The following GNAL variants were observed in gnomAD, a reference collection of about 807,000 sequenced individuals.
The protein encoded by GNAL is guanine nucleotide-binding protein G(olf) subunit alpha.
GNAL carries 18 observed loss-of-function variants against 55.1 expected under a neutral mutation model. The observed-to-expected ratio is 0.33, with a 90% CI of 0.23 to 0.48. The LOEUF is 0.48. Ranked by LOEUF, GNAL falls within the 20% of genes least tolerant of loss-of-function variation. GNAL has a pLI of 0.99. For synonymous variants in GNAL, 253 were observed against 237.0 expected (o/e 1.07, Z -0.62); for missense variants, 412 against 614.1 (o/e 0.67, Z 3.48).
At chr18:11,730,102 C>T (rs1009641720) in intron 1 of GNAL, among the ~76,000 whole-genome samples, 5 of 151,224 alleles carry the variant, frequency 3.3e-5, no homozygotes, top group African/African-American at 7.3e-5. Context: ...GGCGCTATCT[C>T]GGCTCACTGC....
chr18:11,824,261 A>AT (rs1289830832), intron 4 of GNAL, among the ~76,000 whole-genome samples: 2 of 26,372 alleles, frequency 7.6e-5, no homozygotes, highest in Non-Finnish European at 2.2e-4. Flanking sequence ...CATGGCTGAG[A>AT]TGGGGGGGGG....
At position 11,882,047 on chromosome 18, in the gene GNAL, T is replaced by TATCA. The variant is rs1555618132; in HGVS notation, c.*913_*916dup. On this transcript the variant is annotated 3_prime_UTR_variant, in exon 12 of 12. Coordinates refer to ENST00000334049, the MANE Select transcript of GNAL (RefSeq NM_182978.4). ...GGTAGCTGTAGAATTTAGGATATTT[T>TATCA]ATCAGGTTGGCACTTTATAAAATAC... The TATCA allele has an allele frequency of 6.6e-6, 1 of 152,362 alleles. No homozygotes were observed. Among genetic ancestry groups the TATCA allele is most frequent in the East Asian group, 1.9e-4 (1 of 5,196 alleles). 9.4% of individuals were successfully genotyped at this position (152,362 alleles called of 1,614,324 possible). A position where few individuals can be genotyped will look rare whatever the true frequency, so the allele number is the denominator to read the frequency against.
At chr18:11,869,592 A>G (rs1270756046) in intron 9 of GNAL, among the ~76,000 whole-genome samples, 1 of 152,232 alleles carries the variant, frequency 6.6e-6, no homozygotes, top group African/African-American at 2.4e-5. Context: ...AAATATTCAA[A>G]AATAAATTTA....
intron 1 of GNAL, 58 bp downstream of exon 1, chr18:11,689,997 GGGCGGCGGGCACCGGGGAGCGGT>G (rs2031187955): frequency 1.9e-6 from 2 of 1,043,030 alleles, no homozygotes; most frequent in African/African-American, 1.8e-5. Context: ...GGGCCCGCGG[GGGCGGCGGGCACCGGGGAGCGGT>G]GGCGGGCACC....
chr18:11,855,383 A>G (rs904585889), intron 5 of GNAL, among the ~76,000 whole-genome samples: 5 of 152,248 alleles, frequency 3.3e-5, no homozygotes, highest in Non-Finnish European at 7.3e-5. Context: ...TTAATCTTCC[A>G]TTTAACTACT....
chr18:11,691,089 G>A (rs886612004), intron 1 of GNAL, among the ~76,000 whole-genome samples: 94 of 150,508 alleles, frequency 6.2e-4, no homozygotes, highest in African/African-American at 2.3e-3. Context: ...GTGTAAAAGT[G>A]TTCCTATTTC....
intron 1 of GNAL, among the ~76,000 whole-genome samples, chr18:11,747,945 T>A (rs2032728464): frequency 1.3e-5 from 2 of 151,998 alleles, no homozygotes; most frequent in African/African-American, 4.8e-5. Context: ...GCTGCTGCGG[T>A]TGCCTAGCAA....
chr18:11,770,888 A>T (rs1760916346), intron 4 of GNAL, among the ~76,000 whole-genome samples: 1 of 152,158 alleles, frequency 6.6e-6, no homozygotes, highest in African/African-American at 2.4e-5. Flanking sequence ...GCATCAGCTG[A>T]CATCTTTAAC....
chr18:11,873,855 G>GC lies in GNAL; in HGVS notation c.1162+1457_1162+1458insC, dbSNP rs199644016. 6.1e-3 allele frequency among the ~76,000 whole-genome samples: 929 copies of GC among 152,146 alleles called. 12 individuals are homozygous for GC. The highest frequency in any genetic ancestry group is 9.2e-3 in the Non-Finnish European group (628 of 68,004). On this transcript the variant is annotated intron_variant, in intron 10 of 11. Transcript: ENST00000334049. Reference sequence around the variant, plus strand: ...CAGGCAGTGGCTCGGCGGCCGGGGGGTCCTTCCAACAGGGTCTGCCTCCCC... The same window carrying GC: ...CAGGCAGTGGCTCGGCGGCCGGGGGGCTCCTTCCAACAGGGTCTGCCTCCCC...
intron 1 of GNAL, among the ~76,000 whole-genome samples, chr18:11,750,107 A>G (rs1263874379): frequency 6.6e-6 from 1 of 152,190 alleles, no homozygotes; most frequent in African/African-American, 2.4e-5. Context: ...GACGCCACGG[A>G]AAGAACAGGA....
chr18:11,769,173 TTATAA>T (rs1441770638), intron 4 of GNAL, among the ~76,000 whole-genome samples: 2 of 112,010 alleles, frequency 1.8e-5, no homozygotes, highest in South Asian at 3.2e-4. Flanking sequence ...GTAATATATA[TTATAA>T]TATAGATTAT....
At chr18:11,701,538 C>G (rs1283594056) in intron 1 of GNAL, among the ~76,000 whole-genome samples, 5 of 147,554 alleles carry the variant, frequency 3.4e-5, no homozygotes, top group Non-Finnish European at 7.4e-5. Flanking sequence ...TCCACTCCAG[C>G]CTGGGTGACA....
intron 10 of GNAL, among the ~76,000 whole-genome samples, chr18:11,873,696 T>TG (rs1161111760): frequency 6.6e-6 from 1 of 152,232 alleles, no homozygotes; most frequent in Admixed American, 6.5e-5. Flanking sequence ...TGAGGCCGGG[T>TG]GCCGCTTGCC....
At chr18:11,843,325 C>T (rs1313937187) in intron 5 of GNAL, among the ~76,000 whole-genome samples, 1 of 151,972 alleles carries the variant, frequency 6.6e-6, no homozygotes, top group Non-Finnish European at 1.5e-5. Context: ...ATGGTTTCAC[C>T]TACTAAAAAT....
intron 4 of GNAL, among the ~76,000 whole-genome samples, chr18:11,791,770 C>G (rs1031701261): frequency 6.6e-6 from 1 of 152,132 alleles, no homozygotes; most frequent in African/African-American, 2.4e-5. Context: ...TGCAAGGACT[C>G]GAAGTAGGAC....
chr18:11,872,248 G>A lies in GNAL; in HGVS notation c.1032-20G>A. 6.5e-7 allele frequency: 1 copy of A among 1,544,770 alleles called. No individual in the cohort carries two copies. Among genetic ancestry groups the A allele is most frequent in the Non-Finnish European group, 8.8e-7 (1 of 1,141,182 alleles). ...GTACTAGTGTATGTGAAATTTGTAT[G>A]TTTATTTTTCCTTTTTTAGGTGGTT... On this transcript the variant is annotated intron_variant, in intron 9 of 11. Coordinates refer to ENST00000334049, the MANE Select transcript of GNAL (RefSeq NM_182978.4).
chr18:11,752,003 C>G lies in GNAL; in HGVS notation c.377-850C>G, dbSNP rs8089494. 1 of 153,262 alleles carries G rather than the reference C, an allele frequency of 6.5e-6. No individual in the cohort carries two copies. The highest frequency in any genetic ancestry group is 1.5e-5 in the Non-Finnish European group (1 of 68,944). The allele number at this position is 153,262 out of a possible 1,614,324, so 9.5% of individuals were successfully genotyped here. ...CACCCCGGCTGTTTGGGACCCGGCA[C>G]CCAGCCGAGCGCGCCGCCCCCTCGG... is the stretch of plus-strand genomic sequence containing the variant. On this transcript the variant is annotated intron_variant, in intron 1 of 11. Coordinates refer to ENST00000334049, the MANE Select transcript of GNAL (RefSeq NM_182978.4). This position sits in a 1 kb window ranked among gnomAD's most constrained non-coding sequence, Gnocchi z 4.5.
At chr18:11,696,772 G>A (rs1013378304) in intron 1 of GNAL, among the ~76,000 whole-genome samples, 3 of 152,148 alleles carry the variant, frequency 2.0e-5, no homozygotes, top group East Asian at 1.9e-4. Context: ...ACCCTCTCGT[G>A]TTTATTCACA....
rs1484893791 is a variant in GNAL, at chr18:11,689,676, T to C, written c.113T>C (p.Leu38Pro). The C allele has an allele frequency of 6.2e-6, 9 of 1,452,974 alleles. No homozygotes were observed. The African/African-American group carries it at 6.6e-5, about 11-fold the overall frequency. The allele number at this position is 1,452,974 out of a possible 1,614,324, so 90.0% of individuals were successfully genotyped here. A position where few individuals can be genotyped will look rare whatever the true frequency, so the allele number is the denominator to read the frequency against. The change falls in exon 1 of 12, where the codon CTG (leucine) becomes CCG (proline). Residue 38 changes from leucine (L) to proline (P), a missense_variant. By Grantham distance (98) the Leu-to-Pro change is moderately conservative. Coordinates refer to ENST00000334049, the MANE Select transcript of GNAL (RefSeq NM_182978.4). ...GCGCAGCCCGCCCCGGCCCCGGCCCTGGCCCCAGTCCGGGCGGCCGCAAGG... is the reference window on the plus strand; with the variant it reads ...GCGCAGCCCGCCCCGGCCCCGGCCCCGGCCCCAGTCCGGGCGGCCGCAAGG... Reference protein sequence around the residue: ...EDAQPAPAPALAPVRAAARDT... With the variant: ...EDAQPAPAPAPAPVRAAARDT...
Sources: gnomAD v4.1 joint callset for allele counts (sites outside exome capture counted in the v4.1 genomes callset) on GRCh38, gnomAD v4.1.1 for gene constraint, Gnocchi (gnomAD v3.1) non-coding constraint, MANE v1.5 for transcripts, NCBI Gene and HGNC (gene_info 2026-07-23, HGNC 2026-07-21) for gene names.